The following ADAMTSL3 variants were observed in gnomAD, a reference collection of about 807,000 sequenced individuals.
ADAMTSL3 encodes the protein ADAMTS-like protein 3.
Under a neutral mutation model 201.7 loss-of-function variants are expected in ADAMTSL3, and 128 were observed. The observed-to-expected ratio is 0.63, with a 90% CI of 0.55 to 0.73. The LOEUF is 0.73. Ranked by LOEUF, ADAMTSL3 falls within the 30% of genes least tolerant of loss-of-function variation. The pLI is 0.00. For missense variants in ADAMTSL3, 1,990 were observed against 2,119.6 expected, an observed-to-expected ratio of 0.94 and a Z score of 1.20; for synonymous variants, 738 against 748.4, an observed-to-expected ratio of 0.99 and a Z score of 0.23.
rs2065783160 is a variant in ADAMTSL3 at position 83,903,945 on chromosome 15, GAAAA to G, written c.1700+4217_1700+4220del. 5.7e-5 allele frequency among the ~76,000 whole-genome samples: 6 copies of G among 104,362 alleles called. 1 individual carries two copies. Among genetic ancestry groups the G allele is most frequent in the Non-Finnish European group, 6.2e-5 (3 of 48,656 alleles). 68.5% of individuals were successfully genotyped at this position (104,362 alleles called of 152,430 possible). A position where few individuals can be genotyped will look rare whatever the true frequency, so the allele number is the denominator to read the frequency against. ...AAAAAAAAAAAAAAAAAAAAAAAAAGAAAAAAGAAAGAAAGAAAGAAAGAAAAGG... is the reference window on the plus strand; with the variant it reads ...AAAAAAAAAAAAAAAAAAAAAAAAAGAAGAAAGAAAGAAAGAAAGAAAAGG... On this transcript the variant is annotated intron_variant, in intron 15 of 29. Transcript: ENST00000286744.
intron 6 of ADAMTSL3, among the ~76,000 whole-genome samples, chr15:83,828,524 C>T (rs2064078549): frequency 1.3e-5 from 2 of 152,132 alleles, no homozygotes; most frequent in African/African-American, 4.8e-5. Context: ...TTATTTCTTT[C>T]TCCTGCGTGA....
chr15:83,763,505 TC>T (rs1278240521), intron 3 of ADAMTSL3, among the ~76,000 whole-genome samples: 1 of 148,510 alleles, frequency 6.7e-6, no homozygotes, highest in Non-Finnish European at 1.5e-5. Context: ...AACAAATAAT[TC>T]TTTTTTTTTT....
chr15:83,920,601 G>C lies in ADAMTSL3; in HGVS notation c.1988-3303G>C, dbSNP rs28681297. 7.8e-3 allele frequency among the ~76,000 whole-genome samples: 1,186 copies of C among 152,208 alleles called. 19 individuals carry two copies. Among genetic ancestry groups the C allele is most frequent in the African/African-American group, 0.025 (1,046 of 41,538 alleles). ...CAGCAGAAAGAGAAAAAAATTAACT[G>C]TTCTTTCCAAATATGATCCTAGGCC... On this transcript the variant is annotated intron_variant, in intron 16 of 29. Transcript: ENST00000286744.
intron 19 of ADAMTSL3, among the ~76,000 whole-genome samples, chr15:83,957,708 G>A (rs185409188): frequency 1.6e-4 from 25 of 152,220 alleles, no homozygotes; most frequent in African/African-American, 5.8e-4. Context: ...GACTTGAAAG[G>A]GAGAGAAAAA....
intron 16 of ADAMTSL3, among the ~76,000 whole-genome samples, chr15:83,914,477 A>G (rs1690659179): frequency 6.6e-6 from 1 of 152,178 alleles, no homozygotes; most frequent in African/African-American, 2.4e-5. Flanking sequence ...CACTTTTTGT[A>G]TAACATTGCT....
intron 5 of ADAMTSL3, among the ~76,000 whole-genome samples, chr15:83,808,482 G>A (rs2063638473): frequency 6.6e-6 from 1 of 152,086 alleles, no homozygotes; most frequent in Non-Finnish European, 1.5e-5. Flanking sequence ...AAAGACACAA[G>A]TGTTCCTGAG....
chr15:83,740,152 G>C (rs34640889), intron 3 of ADAMTSL3: 8,765 of 266,948 alleles, frequency 0.033, 711 homozygotes, highest in African/African-American at 0.18. Context: ...GACTAAATTT[G>C]CAAGCTGGCT....
At chr15:83,817,783 C>T (rs2063792392) in intron 5 of ADAMTSL3, among the ~76,000 whole-genome samples, 1 of 152,146 alleles carries the variant, frequency 6.6e-6, no homozygotes, top group Non-Finnish European at 1.5e-5. Flanking sequence ...CGGTGGCTCA[C>T]ACCTGTAATC....
intron 23 of ADAMTSL3, among the ~76,000 whole-genome samples, chr15:84,003,882 C>T (rs1004038833): frequency 6.6e-6 from 1 of 152,154 alleles, no homozygotes; most frequent in African/African-American, 2.4e-5. Flanking sequence ...CCTAACTATG[C>T]CTTCACAGCA....
At chr15:83,923,209 C>T (rs1195249202) in intron 16 of ADAMTSL3, among the ~76,000 whole-genome samples, 1 of 152,176 alleles carries the variant, frequency 6.6e-6, no homozygotes, top group Non-Finnish European at 1.5e-5. Flanking sequence ...AGGCTTGAAT[C>T]TACCACATTT....
chr15:83,867,156 C>G (rs1009706459), intron 8 of ADAMTSL3, among the ~76,000 whole-genome samples: 1 of 152,178 alleles, frequency 6.6e-6, no homozygotes, highest in Non-Finnish European at 1.5e-5. Context: ...ATAAATCATT[C>G]TTTTAATATC....
chr15:84,021,327 A>T (rs944415912), intron 25 of ADAMTSL3, 83 bp from the exon 26 acceptor site: 9 of 1,468,438 alleles, frequency 6.1e-6, no homozygotes, highest in Non-Finnish European at 7.5e-6. Context: ...AAAACATCTC[A>T]TGGTGGTTTT....
At chr15:83,670,892 C>G (rs1327934017) in intron 2 of ADAMTSL3, among the ~76,000 whole-genome samples, 1 of 152,182 alleles carries the variant, frequency 6.6e-6, no homozygotes, top group Non-Finnish European at 1.5e-5. Context: ...TAATTTCCAG[C>G]ATGCTTAGTA....
At chr15:83,911,218 A>G (rs2065926132) in intron 15 of ADAMTSL3, among the ~76,000 whole-genome samples, 2 of 152,350 alleles carry the variant, frequency 1.3e-5, no homozygotes, top group South Asian at 2.1e-4. Context: ...GAAATTATAC[A>G]TAAACCAGCA....
intron 2 of ADAMTSL3, among the ~76,000 whole-genome samples, chr15:83,666,031 A>G (rs961645646): frequency 2.6e-5 from 4 of 152,218 alleles, no homozygotes; most frequent in Admixed American, 2.0e-4. Context: ...GGAAGGGACA[A>G]TGATGAAAAT....
intron 9 of ADAMTSL3, among the ~76,000 whole-genome samples, chr15:83,871,506 C>T (rs1182323972): frequency 6.6e-6 from 1 of 152,186 alleles, no homozygotes; most frequent in Non-Finnish European, 1.5e-5. Flanking sequence ...AGATAGTTAT[C>T]CTTAAGGCGT....
chr15:83,818,400 C>A (rs1474736591), intron 5 of ADAMTSL3, among the ~76,000 whole-genome samples: 4 of 152,260 alleles, frequency 2.6e-5, no homozygotes, highest in Admixed American at 2.0e-4. Flanking sequence ...AATCTTGGCT[C>A]ACTGCAGCCT....
In ADAMTSL3 at chr15:83,943,221, C is replaced by G. The variant is rs978319892; in HGVS notation, c.2490+139C>G. On this transcript the variant is annotated intron_variant, in intron 19 of 29. Transcript: ENST00000286744. The stretch of plus-strand genomic sequence containing the variant: ...AGGGGGCCACATTTAAGGAGGTGCT[C>G]ACTCACTCTCGGGTTTGTGCAAGTT... 5 of 967,002 alleles carry G rather than the reference C, an allele frequency of 5.2e-6. No individual in the cohort carries two copies. The African/African-American group carries it at 8.3e-5, about 16-fold the overall frequency. The allele number at this position is 967,002 out of a possible 1,614,324, so 59.9% of individuals were successfully genotyped here. A position where few individuals can be genotyped will look rare whatever the true frequency, so the allele number is the denominator to read the frequency against.
chr15:83,876,206 T>G (rs575044990), intron 9 of ADAMTSL3, among the ~76,000 whole-genome samples: 1 of 152,304 alleles, frequency 6.6e-6, no homozygotes, highest in African/African-American at 2.4e-5. Context: ...CAATGTCTCT[T>G]TCATTCCTAA....
Sources: gnomAD v4.1 joint callset for allele counts (sites outside exome capture counted in the v4.1 genomes callset) on GRCh38, gnomAD v4.1.1 for gene constraint, MANE v1.5 for transcripts, NCBI Gene and HGNC (gene_info 2026-07-23, HGNC 2026-07-21) for gene names.